COL23A1: variants seen among roughly 807,000 people sequenced by gnomAD.
The protein encoded by COL23A1 is collagen type XXIII alpha 1 chain, also known as collagen alpha-1(XXIII) chain.
Under a neutral mutation model 99.3 loss-of-function variants are expected in COL23A1, and 97 were observed. The ratio of observed to expected loss-of-function variants is 0.98; its 90% CI spans 0.83 to 1.16. The LOEUF (loss-of-function observed/expected upper bound fraction) is 1.16. Among genes scored for constraint, COL23A1 ranks in the 50% most tolerant of loss-of-function variants. The probability of loss-of-function intolerance (pLI) is 0.00; values close to 1 mark genes in which losing one functional copy is unlikely to be tolerated. For synonymous variants in COL23A1, 320 were observed against 308.2 expected (o/e 1.04, Z -0.40); for missense variants, 762 against 757.4 (o/e 1.01, Z -0.07).
intron 2 of COL23A1, among the ~76,000 whole-genome samples, chr5:178,349,665 G>A (rs1761206274): frequency 1.3e-5 from 2 of 152,170 alleles, no homozygotes; most frequent in African/African-American, 4.8e-5. Flanking sequence ...CCCTTGGGGG[G>A]AGCCCCAAGA....
intron 2 of COL23A1, among the ~76,000 whole-genome samples, chr5:178,556,625 T>TTTAAATAAAA (rs1762287882): frequency 8.0e-6 from 1 of 124,470 alleles, no homozygotes; most frequent in African/African-American, 3.3e-5. Flanking sequence ...CTCTGTCAAA[T>TTTAAATAAAA]TAAAATAAAA....
chr5:178,467,249 C>A (rs1197999551), intron 2 of COL23A1, among the ~76,000 whole-genome samples: 1 of 152,182 alleles, frequency 6.6e-6, no homozygotes, highest in East Asian at 1.9e-4. Context: ...ACCACTGAGG[C>A]CTTTGGGAAG....
Position 178,590,293 on chromosome 5 carries a change from G to GGTAAGTTTAATATCCCAGGCC in COL23A1, c.-97_-96insGGCCTGGGATATTAAACTTAC. The GGTAAGTTTAATATCCCAGGCC allele has an allele frequency of 1.8e-6, 2 of 1,088,626 alleles. No homozygotes were observed. Among genetic ancestry groups the GGTAAGTTTAATATCCCAGGCC allele is most frequent in the Non-Finnish European group, 2.3e-6 (2 of 879,284 alleles). 67.4% of individuals were successfully genotyped at this position (1,088,626 alleles called of 1,614,324 possible). On this transcript the variant is annotated 5_prime_UTR_variant, in exon 1 of 29. Coordinates refer to ENST00000390654, the MANE Select transcript of COL23A1 (RefSeq NM_173465.4). This position sits in a 1 kb window ranked among gnomAD's most constrained non-coding sequence, Gnocchi z 5.7. ...CAGGCGGGACAGCCCGAGGCACGAG[G>GGTAAGTTTAATATCCCAGGCC]TCCGCCGGGCGCGGGGGTTAGCCTC...
At chr5:178,404,561 AT>A (rs1279326784) in intron 2 of COL23A1, among the ~76,000 whole-genome samples, 2 of 59,466 alleles carry the variant, frequency 3.4e-5, no homozygotes, top group Non-Finnish European at 4.6e-5. Context: ...CTGATTCCTT[AT>A]GGTGAACCTG....
At chr5:178,392,422 A>G (rs1764017747) in intron 2 of COL23A1, among the ~76,000 whole-genome samples, 1 of 152,190 alleles carries the variant, frequency 6.6e-6, no homozygotes, top group Non-Finnish European at 1.5e-5. Flanking sequence ...TGCATCTACA[A>G]GACACATCTT....
intron 2 of COL23A1, among the ~76,000 whole-genome samples, chr5:178,472,997 C>T (rs192545253): frequency 7.2e-6 from 1 of 139,448 alleles, no homozygotes; most frequent in African/African-American, 2.6e-5. Flanking sequence ...GTCACACGCA[C>T]CTGTGATCCG....
At chr5:178,290,676 G>A (rs1486274912) in intron 3 of COL23A1, among the ~76,000 whole-genome samples, 1 of 152,218 alleles carries the variant, frequency 6.6e-6, no homozygotes, top group Non-Finnish European at 1.5e-5. Flanking sequence ...ATTGGAACAT[G>A]TTCCTACTTA....
intron 2 of COL23A1, among the ~76,000 whole-genome samples, chr5:178,463,277 A>C (rs935230597): frequency 1.3e-5 from 2 of 152,242 alleles, no homozygotes; most frequent in African/African-American, 2.4e-5. Context: ...AAAATAAATA[A>C]GCATTTTTGA....
chr5:178,240,872 C>T (rs887462690), intron 27 of COL23A1, among the ~76,000 whole-genome samples: 2 of 152,174 alleles, frequency 1.3e-5, no homozygotes, highest in African/African-American at 4.8e-5. Context: ...TACGAAAACC[C>T]AGCTGTTCTG....
intron 1 of COL23A1, among the ~76,000 whole-genome samples, chr5:178,563,095 C>G (rs1268987400): frequency 6.6e-6 from 1 of 152,202 alleles, no homozygotes; most frequent in Non-Finnish European, 1.5e-5. Context: ...CCAGGGGGTG[C>G]CTTTAGGCGC....
At chr5:178,451,982 C>A (rs1007153809) in intron 2 of COL23A1, among the ~76,000 whole-genome samples, 1 of 151,914 alleles carries the variant, frequency 6.6e-6, no homozygotes, top group African/African-American at 2.4e-5. Context: ...CAAAAAAATA[C>A]CAATTAAGTT....
At chr5:178,498,958 TC>T (rs1758381089) in intron 2 of COL23A1, among the ~76,000 whole-genome samples, 1 of 151,152 alleles carries the variant, frequency 6.6e-6, no homozygotes, top group Non-Finnish European at 1.5e-5. Context: ...GACATGGTGG[TC>T]CTTGCCTGTA....
In COL23A1 at chr5:178,242,445, CCT is replaced by C. The variant is rs752011417; in HGVS notation, c.1441-53_1441-52del. 1.8e-5 allele frequency: 29 copies of C among 1,578,176 alleles called. No individual in the cohort carries two copies. In the Admixed American group the frequency reaches 2.0e-4, roughly 11 times the overall value. ...CCGAAAATGAGGCTGGAGGTTTGCC[CCT>C]CTGTTACCGGCTCATCTCTGTTCCT... On this transcript the variant is annotated intron_variant, in intron 25 of 28. Transcript: ENST00000390654.
intron 2 of COL23A1, among the ~76,000 whole-genome samples, chr5:178,430,923 G>A (rs1766227185): frequency 6.6e-6 from 1 of 152,094 alleles, no homozygotes; most frequent in South Asian, 2.1e-4. Flanking sequence ...TGCCCTGGGT[G>A]AGTTCATACA....
intron 3 of COL23A1, among the ~76,000 whole-genome samples, chr5:178,303,420 T>C (rs2127600074): frequency 6.6e-6 from 1 of 152,376 alleles, no homozygotes; most frequent in East Asian, 1.9e-4. Flanking sequence ...TCTTGGGCTG[T>C]GGCAAAACTT....
chr5:178,359,017 T>G (rs1431830007), intron 2 of COL23A1, among the ~76,000 whole-genome samples: 1 of 152,210 alleles, frequency 6.6e-6, no homozygotes, highest in Non-Finnish European at 1.5e-5. Flanking sequence ...GCTTCTGATT[T>G]GCTTTGGAAG....
chr5:178,247,936 C>T, intron 20 of COL23A1, 105 bp from the exon 21 acceptor site: 4 of 1,043,650 alleles, frequency 3.8e-6, no homozygotes, highest in Non-Finnish European at 4.2e-6. Flanking sequence ...CTTCCTGCCC[C>T]CCAGAGGGCA....
chr5:178,520,331 G>A (rs1485073134), intron 2 of COL23A1, among the ~76,000 whole-genome samples: 2 of 152,156 alleles, frequency 1.3e-5, no homozygotes, highest in African/African-American at 4.8e-5. Flanking sequence ...CTGTACTGCA[G>A]ACAGATCTAT....
intron 2 of COL23A1, among the ~76,000 whole-genome samples, chr5:178,500,017 A>T (rs1184230888): frequency 6.6e-6 from 1 of 152,212 alleles, no homozygotes; most frequent in East Asian, 1.9e-4. Context: ...AATAAGTTAT[A>T]GTAACAGAAA....
Sources: allele counts gnomAD v4.1 joint callset (sites outside exome capture counted in the v4.1 genomes callset), GRCh38; gene constraint gnomAD v4.1.1; non-coding constraint Gnocchi (gnomAD v3.1); transcripts MANE v1.5; gene names NCBI Gene and HGNC (gene_info 2026-07-23, HGNC 2026-07-21).